BRSK1: variants seen among roughly 807,000 people sequenced by gnomAD.
BRSK1 encodes the protein BR serine/threonine kinase 1.
A neutral mutation model predicts 86.2 loss-of-function variants in BRSK1; 17 were observed. The ratio of observed to expected loss-of-function variants is 0.20; its 90% CI spans 0.14 to 0.30. The LOEUF (loss-of-function observed/expected upper bound fraction) is 0.30, where lower values mean the gene tolerates loss of function less well. BRSK1 is among the 10% of genes least tolerant of loss of function. The probability of loss-of-function intolerance (pLI) is 1.00; values close to 1 mark genes in which losing one functional copy is unlikely to be tolerated. For synonymous variants in BRSK1, 464 were observed against 440.1 expected (o/e 1.05, Z -0.68); for missense variants, 719 against 1,071.9 (o/e 0.67, Z 4.60).
In BRSK1 at chr19:55,285,884, A is replaced by C. The variant is rs181329243; in HGVS notation, c.137-1123A>C. 7.4e-4 allele frequency among the ~76,000 whole-genome samples: 112 copies of C among 151,972 alleles called. 1 individual carries two copies. The highest frequency in any genetic ancestry group is 7.2e-3 in the Admixed American group (110 of 15,246). On this transcript the variant is annotated intron_variant, in intron 1 of 18. Coordinates refer to ENST00000309383, the MANE Select transcript of BRSK1 (RefSeq NM_032430.2). The stretch of plus-strand genomic sequence containing the variant: ...AAAGTCCCAGATCCTGAGTGGTAAG[A>C]GTGTGAAGGTGTTGCTGACCTGAAT...
In BRSK1 at chr19:55,302,395, A is replaced by G. The variant is rs2088584741; in HGVS notation, c.857+227A>G. 5 of 622,920 alleles carry G rather than the reference A, an allele frequency of 8.0e-6. No homozygotes were observed. The highest frequency in any genetic ancestry group is 1.1e-5 in the Non-Finnish European group (4 of 355,804). 38.6% of individuals were successfully genotyped at this position (622,920 alleles called of 1,614,324 possible). On this transcript the variant is annotated intron_variant, in intron 9 of 18. Coordinates refer to ENST00000309383, the MANE Select transcript of BRSK1 (RefSeq NM_032430.2). The surrounding 1 kb of genome is among the most constrained non-coding windows in gnomAD (Gnocchi z 6.3). Reference sequence around the variant, plus strand: ...TCCAGGACTCCCAGGTTTGAGGGAAAAAGGGACTGGGGGCCTGGACTCCTG... The same window carrying G: ...TCCAGGACTCCCAGGTTTGAGGGAAGAAGGGACTGGGGGCCTGGACTCCTG...
intron 4 of BRSK1, among the ~76,000 whole-genome samples, chr19:55,293,532 G>T (rs896276145): frequency 6.7e-6 from 1 of 149,364 alleles, no homozygotes; most frequent in African/African-American, 2.5e-5. Context: ...AATAAATAAG[G>T]CTGGGTGCTG....
In BRSK1 at chr19:55,304,583, G is replaced by A. The variant is rs1458828793; in HGVS notation, c.1380G>A (p.Gly460=). ...SPVFSFSPEP[G]AGDEARGGGS... is the part of the protein sequence containing the mutation. ...TCTTTTCCTTTTCACCGGAGCCGGG[G>A]GCTGGAGATGAGGCTCGAGGCGGGG... Residue 460 remains glycine (G), a synonymous_variant, in exon 14 of 19, where the codon GGG becomes GGA. Transcript: ENST00000309383. This position sits in a 1 kb window ranked among gnomAD's most constrained non-coding sequence, Gnocchi z 5.2. 8 of 1,585,920 alleles carry A rather than the reference G, an allele frequency of 5.0e-6. No individual in the cohort carries two copies. In the South Asian group the frequency reaches 5.7e-5, roughly 11 times the overall value.
rs372675247 is a variant in BRSK1 at position 55,302,836 on chromosome 19, G to A, written c.997G>A (p.Glu333Lys). The change falls in exon 10 of 19, where the codon GAG becomes AAG. Residue 333 changes from glutamate (E) to lysine (K), a missense_variant. By Grantham distance (56) the Glu-to-Lys change is moderately conservative (BLOSUM62 1). Transcript: ENST00000309383. This position sits in a 1 kb window ranked among gnomAD's most constrained non-coding sequence, Gnocchi z 6.3. ...MASLGCFRDR[E>K]RLHRELRSEE... ...ATCACTGGGCTGCTTCAGGGACCGC[G>A]AGAGGCTGCATCGCGAGCTGCGCAG... 4.3e-6 allele frequency: 7 copies of A among 1,613,578 alleles called. No homozygotes were observed. The highest frequency in any genetic ancestry group is 2.7e-5 in the African/African-American group (2 of 74,918).
Position 55,311,806 on chromosome 19 carries a change from G to T in BRSK1, c.2180-105G>T. Reference sequence around the variant, plus strand: ...TCAGGGATTGGAGCTAGAGCCTCGGGGTTACTGAGACCGACTGATGAGGAG... The same window carrying T: ...TCAGGGATTGGAGCTAGAGCCTCGGTGTTACTGAGACCGACTGATGAGGAG... On this transcript the variant is annotated intron_variant, in intron 18 of 18. Coordinates refer to ENST00000309383, the MANE Select transcript of BRSK1 (RefSeq NM_032430.2). 2.5e-6 allele frequency: 3 copies of T among 1,221,106 alleles called. No homozygotes were observed. The South Asian group carries it at 4.3e-5, about 18-fold the overall frequency. 75.6% of individuals were successfully genotyped at this position (1,221,106 alleles called of 1,614,324 possible).
intron 7 of BRSK1, among the ~76,000 whole-genome samples, chr19:55,296,704 C>T (rs559342110): frequency 1.3e-5 from 2 of 152,082 alleles, no homozygotes; most frequent in Admixed American, 6.6e-5. Flanking sequence ...AAAAATTAGC[C>T]GGGAGTGGTG....
intron 17 of BRSK1, among the ~76,000 whole-genome samples, chr19:55,307,548 C>CAAA (rs11378640): frequency 0.074 from 5,967 of 80,416 alleles, 330 homozygotes; most frequent in Middle Eastern, 0.1. Flanking sequence ...GACTCTGTCT[C>CAAA]AAAAAAAAAA....
chr19:55,304,999 G>T lies in BRSK1; in HGVS notation c.1717+79G>T. Reference sequence around the variant, plus strand: ...ATCTGGTTCCAGGGATGTCCGTCTGGCGTGTCTAGAGAGGAAGGGACTGGG... The same window carrying T: ...ATCTGGTTCCAGGGATGTCCGTCTGTCGTGTCTAGAGAGGAAGGGACTGGG... On this transcript the variant is annotated intron_variant, in intron 14 of 18. Transcript: ENST00000309383. The surrounding 1 kb of genome is among the most constrained non-coding windows in gnomAD (Gnocchi z 5.2). 1 of 1,570,728 alleles carries T rather than the reference G, an allele frequency of 6.4e-7. No homozygotes were observed. The highest frequency in any genetic ancestry group is 8.6e-7 in the Non-Finnish European group (1 of 1,165,822).
intron 7 of BRSK1, among the ~76,000 whole-genome samples, chr19:55,297,527 C>T (rs2088506686): frequency 6.6e-6 from 1 of 152,212 alleles, no homozygotes. Context: ...GGCTACATAA[C>T]GGATACTAAG....
In BRSK1 at chr19:55,287,178, C is replaced by G. The variant is rs1428036476; in HGVS notation, c.232-36C>G. ...AGGGCAGGGGCGGGGCCGTGCTGAC[C>G]TCTTTTCCCGTGTCCCCACCCCTCT... is the stretch of plus-strand genomic sequence containing the variant. On this transcript the variant is annotated intron_variant, in intron 2 of 18. Coordinates refer to ENST00000309383, the MANE Select transcript of BRSK1 (RefSeq NM_032430.2). The surrounding 1 kb of genome is among the most constrained non-coding windows in gnomAD (Gnocchi z 5.3). 1 of 1,613,612 alleles carries G rather than the reference C, an allele frequency of 6.2e-7. No individual in the cohort carries two copies. The highest frequency in any genetic ancestry group is 8.5e-7 in the Non-Finnish European group (1 of 1,179,570).
Position 55,312,023 on chromosome 19 carries a change from C to A in BRSK1, c.2292C>A (p.Pro764=), listed in dbSNP as rs532657426. The part of the protein sequence containing the change: ...ELSSSPRRGP[P]KDKKLLATNG... ...GCAGCTCTCCCCGCCGAGGCCCCCC[C>A]AAGGACAAGAAGCTCCTGGCCACCA... is the stretch of plus-strand genomic sequence containing the variant. Residue 764 remains proline, a synonymous_variant, in exon 19 of 19, where the codon CCC becomes CCA. Coordinates refer to ENST00000309383, the MANE Select transcript of BRSK1 (RefSeq NM_032430.2). The A allele has an allele frequency of 2.6e-6, 4 of 1,509,498 alleles. No homozygotes were observed. Among genetic ancestry groups the A allele is most frequent in the Non-Finnish European group, 3.5e-6 (4 of 1,128,288 alleles). 93.5% of individuals were successfully genotyped at this position (1,509,498 alleles called of 1,614,324 possible).
rs368298489 is a variant in BRSK1 at position 55,304,939 on chromosome 19, C to T, written c.1717+19C>T. 1 of 1,603,226 alleles carries T rather than the reference C, an allele frequency of 6.2e-7. No individual in the cohort carries two copies. The highest frequency in any genetic ancestry group is 8.5e-7 in the Non-Finnish European group (1 of 1,179,316). ...ATGCAGGGTATGGGGGCATGAACTG[C>T]CGAGTCCTAATGTGGGGAGAGGTTG... On this transcript the variant is annotated intron_variant, in intron 14 of 18. Transcript: ENST00000309383. This position sits in a 1 kb window ranked among gnomAD's most constrained non-coding sequence, Gnocchi z 5.2.
At chr19:55,298,251 T>C (rs1182239273) in intron 7 of BRSK1, among the ~76,000 whole-genome samples, 1 of 147,186 alleles carries the variant, frequency 6.8e-6, no homozygotes, top group African/African-American at 2.5e-5. Flanking sequence ...GAAGTCTTAG[T>C]CTTGCTCTGT....
At chr19:55,288,082 G>C (rs1040604208) in intron 3 of BRSK1, 1 of 152,924 alleles carries the variant, frequency 6.5e-6, no homozygotes, top group East Asian at 1.9e-4. Flanking sequence ...GCTATTGTCC[G>C]GACCGGTGCA....
At chr19:55,305,250 T>G (rs73605132) in intron 14 of BRSK1, 71 bp from the exon 15 acceptor site, 14 of 1,579,906 alleles carry the variant, frequency 8.9e-6, no homozygotes, top group Non-Finnish European at 1.2e-5. Context: ...AGGGGGCGAG[T>G]GCAGGCCTGT....
Position 55,306,582 on chromosome 19 carries a change from C to T in BRSK1, c.2089+132C>T, listed in dbSNP as rs2122990809. The T allele has an allele frequency of 9.6e-7, 1 of 1,040,544 alleles. No individual in the cohort carries two copies. Among genetic ancestry groups the T allele is most frequent in the Non-Finnish European group, 1.4e-6 (1 of 710,552 alleles). The allele number at this position is 1,040,544 out of a possible 1,614,324, so 64.5% of individuals were successfully genotyped here. A position where few individuals can be genotyped will look rare whatever the true frequency, so the allele number is the denominator to read the frequency against. ...TCAGCTGGTGCCGACTCTCTGTGCTCCTCCTGCCCACACAGACCGCCCCAC... is the reference window on the plus strand; with the variant it reads ...TCAGCTGGTGCCGACTCTCTGTGCTTCTCCTGCCCACACAGACCGCCCCAC... On this transcript the variant is annotated intron_variant, in intron 17 of 18. Coordinates refer to ENST00000309383, the MANE Select transcript of BRSK1 (RefSeq NM_032430.2). This position sits in a 1 kb window ranked among gnomAD's most constrained non-coding sequence, Gnocchi z 4.7.
chr19:55,305,546 T>C lies in BRSK1; in HGVS notation c.1850T>C (p.Leu617Pro). The C allele has an allele frequency of 6.2e-7, 1 of 1,614,146 alleles. No individual in the cohort carries two copies. Among genetic ancestry groups the C allele is most frequent in the East Asian group, 2.2e-5 (1 of 44,870 alleles). Residue 617 changes from leucine (L) to proline (P), a missense_variant, in exon 16 of 19, where the codon CTC (leucine) becomes CCC (proline). Around this residue, in one of 6 missense-constraint regions of BRSK1, gnomAD observed 180 missense variants for 259.4 expected, o/e 0.69. Coordinates refer to ENST00000309383, the MANE Select transcript of BRSK1 (RefSeq NM_032430.2). ...TTCCTCGTGCTAAAGGACAAACCTC[T>C]CAGCAGCATCAAAGCAGACATCGTC... ...QIFLVLKDKP[L>P]SSIKADIVHA... is the part of the protein sequence containing the mutation.
intron 15 of BRSK1, 27 bp downstream of exon 15, chr19:55,305,396 G>C: frequency 2.5e-6 from 4 of 1,614,162 alleles, no homozygotes; most frequent in Non-Finnish European, 3.4e-6. Context: ...AGGAAAGAGT[G>C]GGGATGCAGG....
intron 1 of BRSK1, 34 bp from the exon 2 acceptor site, chr19:55,286,973 C>A: frequency 6.2e-7 from 1 of 1,606,084 alleles, no homozygotes; most frequent in South Asian, 1.1e-5. Context: ...GGGGACCCGG[C>A]GGAACACCCC....
Sources: allele counts gnomAD v4.1 joint callset (sites outside exome capture counted in the v4.1 genomes callset), GRCh38; gene constraint gnomAD v4.1.1; regional missense constraint gnomAD v4.1.1; non-coding constraint Gnocchi (gnomAD v3.1); transcripts MANE v1.5; gene names NCBI Gene and HGNC (gene_info 2026-07-23, HGNC 2026-07-21).